The following MICU1 variants were observed in gnomAD, a reference collection of about 807,000 sequenced individuals.
MICU1 encodes mitochondrial calcium uptake 1.
A neutral mutation model predicts 56.8 loss-of-function variants in MICU1; 45 were observed. The observed-to-expected ratio is 0.79, with a 90% CI of 0.62 to 1.02. The LOEUF (loss-of-function observed/expected upper bound fraction) is 1.02. Among genes scored for constraint, MICU1 ranks in the 50% least tolerant of loss-of-function variants. The pLI is 0.00. For synonymous variants in MICU1, 186 were observed against 195.1 expected (o/e 0.95, Z 0.39); for missense variants, 504 against 587.1 (o/e 0.86, Z 1.46).
intron 2 of MICU1, among the ~76,000 whole-genome samples, 157 bp from the exon 3 acceptor site, chr10:72,563,220 T>C (rs1204524581): frequency 8.5e-5 from 13 of 152,240 alleles, no homozygotes; most frequent in Admixed American, 8.5e-4. Context: ...AACTTCCACA[T>C]GATCTCTGGT....
intron 1 of MICU1, among the ~76,000 whole-genome samples, chr10:72,596,921 C>A (rs1392361957): frequency 6.7e-6 from 1 of 149,186 alleles, no homozygotes; most frequent in Non-Finnish European, 1.5e-5. Flanking sequence ...AAAGAGTAAA[C>A]CCTGATGTAA....
chr10:72,434,649 C>T (rs1305541189), intron 8 of MICU1, among the ~76,000 whole-genome samples: 1 of 152,126 alleles, frequency 6.6e-6, no homozygotes, highest in Non-Finnish European at 1.5e-5. Flanking sequence ...TCTGTTAGAA[C>T]AAAATATAAC....
At chr10:72,512,370 G>C (rs528246123) in intron 5 of MICU1, among the ~76,000 whole-genome samples, 1 of 152,156 alleles carries the variant, frequency 6.6e-6, no homozygotes, top group South Asian at 2.1e-4. Context: ...GCCTCTCAAA[G>C]TGCTGGGATT....
At chr10:72,463,644 C>T (rs1047683749) in intron 8 of MICU1, among the ~76,000 whole-genome samples, 14 of 152,170 alleles carry the variant, frequency 9.2e-5, no homozygotes, top group Non-Finnish European at 1.6e-4. Context: ...TGAGAGACTG[C>T]ATATATAATG....
intron 8 of MICU1, among the ~76,000 whole-genome samples, chr10:72,467,540 G>A (rs1269553186): frequency 6.6e-5 from 10 of 151,140 alleles, no homozygotes; most frequent in African/African-American, 1.7e-4. Flanking sequence ...GGCTGGTTTC[G>A]AACTCCTGAC....
chr10:72,505,685 T>C (rs954302467), intron 6 of MICU1, among the ~76,000 whole-genome samples: 9 of 152,126 alleles, frequency 5.9e-5, no homozygotes, highest in Non-Finnish European at 1.2e-4. Context: ...CCAGAGGCCA[T>C]CATCCTAAGT....
intron 9 of MICU1, among the ~76,000 whole-genome samples, chr10:72,422,100 T>C (rs1197988609): frequency 6.6e-6 from 1 of 152,170 alleles, no homozygotes; most frequent in East Asian, 1.9e-4. Context: ...TGTGGTTGTA[T>C]TTGGAGATGG....
intron 6 of MICU1, among the ~76,000 whole-genome samples, chr10:72,495,402 T>C (rs1485071577): frequency 1.3e-5 from 2 of 152,198 alleles, no homozygotes; most frequent in Non-Finnish European, 2.9e-5. Flanking sequence ...ACGCCTGTAA[T>C]CCCAGCACTT....
rs34740619 is a variant in MICU1, at chr10:72,613,269, A to ATTT, written c.-2+12738_-2+12740dup. ...TATTAGGAGAAACACTTTACCCCTA[A>ATTT]TTTTTTTTTTTTTTTTTTTTTAGAG... On this transcript the variant is annotated intron_variant, in intron 1 of 11. Transcript: ENST00000361114. Among the ~76,000 whole-genome samples, 457 of 129,336 alleles carry ATTT rather than the reference A, an allele frequency of 3.5e-3. 7 individuals carry two copies. Among genetic ancestry groups the ATTT allele is most frequent in the African/African-American group, 0.013 (426 of 33,748 alleles). The allele number at this position is 129,336 out of a possible 152,430, so 84.8% of individuals were successfully genotyped here.
intron 10 of MICU1, among the ~76,000 whole-genome samples, chr10:72,407,366 G>C (rs986648100): frequency 6.6e-6 from 1 of 152,152 alleles, no homozygotes; most frequent in Non-Finnish European, 1.5e-5. Context: ...TATTTCAACT[G>C]TTCTGAATGT....
rs117011233 is a variant in MICU1 at position 72,532,724 on chromosome 10, A to G, written c.537+1022T>C. 14 of 301,242 alleles carry G rather than the reference A, an allele frequency of 4.6e-5. No homozygotes were observed. The East Asian group carries it at 2.2e-3, about 48-fold the overall frequency. The allele number at this position is 301,242 out of a possible 1,614,324, so 18.7% of individuals were successfully genotyped here. ...TCTTTTAGAATATGTGACTTTAAAAAGAGGATATTCACAGATGGAGGCATT... is the reference window on the plus strand; with the variant it reads ...TCTTTTAGAATATGTGACTTTAAAAGGAGGATATTCACAGATGGAGGCATT... On this transcript the variant is annotated intron_variant, in intron 5 of 11. Coordinates refer to ENST00000361114, the MANE Select transcript of MICU1 (RefSeq NM_001195518.2).
At chr10:72,452,531 T>C (rs962790198) in intron 8 of MICU1, among the ~76,000 whole-genome samples, 5 of 152,236 alleles carry the variant, frequency 3.3e-5, no homozygotes, top group Non-Finnish European at 7.3e-5. Flanking sequence ...TAACAATGTT[T>C]TGATCACTGA....
chr10:72,587,534 C>T (rs1220674240), intron 1 of MICU1, among the ~76,000 whole-genome samples: 2 of 151,230 alleles, frequency 1.3e-5, no homozygotes, highest in Admixed American at 6.6e-5. Flanking sequence ...CTTTGGAAGG[C>T]CAAAGCACAC....
At chr10:72,517,621 G>T (rs1252551434) in intron 5 of MICU1, among the ~76,000 whole-genome samples, 1 of 152,042 alleles carries the variant, frequency 6.6e-6, no homozygotes, top group East Asian at 1.9e-4. Context: ...GCGACTCGGG[G>T]GTGTGGGGAA....
chr10:72,596,747 C>A (rs1841391224), intron 1 of MICU1, among the ~76,000 whole-genome samples: 1 of 151,780 alleles, frequency 6.6e-6, no homozygotes. Context: ...GTGGTGGGCA[C>A]CTGTAATCCC....
At chr10:72,493,866 GGTA>G (rs1461084841) in intron 6 of MICU1, among the ~76,000 whole-genome samples, 1 of 152,078 alleles carries the variant, frequency 6.6e-6, no homozygotes, top group Non-Finnish European at 1.5e-5. Flanking sequence ...GAAAGTGTCT[GGTA>G]AACACCATCA....
chr10:72,566,498 A>G, intron 2 of MICU1, 135 bp downstream of exon 2: 1 of 871,992 alleles, frequency 1.1e-6, no homozygotes, highest in Non-Finnish European at 1.7e-6. Context: ...TCATAGACGA[A>G]TATTAACAAT....
At chr10:72,400,582 C>A (rs769569749) in intron 10 of MICU1, among the ~76,000 whole-genome samples, 1 of 151,878 alleles carries the variant, frequency 6.6e-6, no homozygotes, top group East Asian at 1.9e-4. Flanking sequence ...CCCAACTCTA[C>A]TAAAAATACA....
chr10:72,436,269 C>G (rs905108510), intron 8 of MICU1, among the ~76,000 whole-genome samples: 2 of 152,214 alleles, frequency 1.3e-5, no homozygotes, highest in African/African-American at 4.8e-5. Flanking sequence ...CCCAGGCAAA[C>G]AGGGTCTGGA....
Sources: gnomAD v4.1 joint callset for allele counts (sites outside exome capture counted in the v4.1 genomes callset) on GRCh38, gnomAD v4.1.1 for gene constraint, MANE v1.5 for transcripts, NCBI Gene and HGNC (gene_info 2026-07-23, HGNC 2026-07-21) for gene names.